Variants in PNPLA1 observed in about 807,000 individuals in gnomAD.
PNPLA1 encodes the protein omega-hydroxyceramide transacylase.
PNPLA1 carries 36 observed loss-of-function variants against 51.7 expected under a neutral mutation model. The observed-to-expected ratio is 0.70, with a 90% CI of 0.53 to 0.92. The LOEUF is 0.92. PNPLA1 is among the 40% of genes least tolerant of loss of function. PNPLA1 has a pLI of 0.00. For synonymous variants in PNPLA1, 293 were observed against 280.1 expected (o/e 1.05, Z -0.46); for missense variants, 658 against 682.5 (o/e 0.96, Z 0.40).
intron 1 of PNPLA1, among the ~76,000 whole-genome samples, chr6:36,247,525 T>C (rs960356025): frequency 2.0e-5 from 3 of 152,252 alleles, no homozygotes; most frequent in African/African-American, 7.2e-5. Flanking sequence ...GAATATCTGG[T>C]ACATAGTAAG....
intron 1 of PNPLA1, among the ~76,000 whole-genome samples, chr6:36,290,962 A>T (rs1162251645): frequency 2.0e-5 from 3 of 152,216 alleles, no homozygotes; most frequent in Non-Finnish European, 2.9e-5. Flanking sequence ...GTGGACTTCC[A>T]GGCAGAGTGA....
Position 36,302,112 on chromosome 6 carries a change from G to A in PNPLA1, c.1027G>A (p.Val343Ile), listed in dbSNP as rs1245094439. Residue 343 changes from valine to isoleucine, a missense_variant, in exon 6 of 9, where the codon GTT (valine) becomes ATT (isoleucine). Coordinates refer to ENST00000636260, the MANE Select transcript of PNPLA1 (RefSeq NM_001374623.1). Reference protein sequence around the residue: ...QTLEFTCESPVSAPVSPLEQP... With the variant: ...QTLEFTCESPISAPVSPLEQP... Reference sequence around the variant, plus strand: ...ACTTGAATTCACATGCGAGTCACCTGTTTCAGCACCAGTCTCTCCACTTGA... The same window carrying A: ...ACTTGAATTCACATGCGAGTCACCTATTTCAGCACCAGTCTCTCCACTTGA... 6.2e-7 allele frequency: 1 copy of A among 1,614,184 alleles called. No individual in the cohort carries two copies. The highest frequency in any genetic ancestry group is 2.2e-5 in the East Asian group (1 of 44,876).
At chr6:36,286,977 C>T (rs1441001990) in intron 1 of PNPLA1, among the ~76,000 whole-genome samples, 1 of 152,108 alleles carries the variant, frequency 6.6e-6, no homozygotes, top group African/African-American at 2.4e-5. Context: ...TGAACCACCA[C>T]ACCCAGCATT....
At chr6:36,287,412 A>T (rs998521752) in intron 1 of PNPLA1, among the ~76,000 whole-genome samples, 5 of 152,208 alleles carry the variant, frequency 3.3e-5, no homozygotes, top group Non-Finnish European at 7.4e-5. Flanking sequence ...GGAGCAGTCA[A>T]CCTTGAGTAC....
intron 1 of PNPLA1, among the ~76,000 whole-genome samples, chr6:36,244,091 A>T (rs1377753820): frequency 6.6e-6 from 1 of 152,140 alleles, no homozygotes; most frequent in Non-Finnish European, 1.5e-5. Flanking sequence ...TCTAGAGCCC[A>T]TGCACAGCGT....
At chr6:36,278,791 G>A (rs981927888) in intron 1 of PNPLA1, among the ~76,000 whole-genome samples, 2 of 152,230 alleles carry the variant, frequency 1.3e-5, no homozygotes, top group African/African-American at 4.8e-5. Flanking sequence ...TGATGAAATA[G>A]AACATTCATT....
rs957581718 is a variant in PNPLA1 at position 36,270,738 on chromosome 6, G to A, written c.205+74G>A. 1.3e-5 allele frequency: 19 copies of A among 1,498,436 alleles called. No individual in the cohort carries two copies. In the East Asian group the frequency reaches 4.7e-4, roughly 37 times the overall value. The allele number at this position is 1,498,436 out of a possible 1,614,324, so 92.8% of individuals were successfully genotyped here. A position where few individuals can be genotyped will look rare whatever the true frequency, so the allele number is the denominator to read the frequency against. On this transcript the variant is annotated intron_variant, in intron 1 of 8. Coordinates refer to ENST00000636260, the MANE Select transcript of PNPLA1 (RefSeq NM_001374623.1). ...CAGAGACAGAAGGAGCGTGAGGGAGGCTGGGGATGCTTTGGGGGACAAAGC... is the reference window on the plus strand; with the variant it reads ...CAGAGACAGAAGGAGCGTGAGGGAGACTGGGGATGCTTTGGGGGACAAAGC...
intron 8 of PNPLA1, among the ~76,000 whole-genome samples, chr6:36,309,133 G>A (rs1165787007): frequency 3.3e-5 from 5 of 152,184 alleles, no homozygotes; most frequent in Admixed American, 2.6e-4. Context: ...GGCGGCCAAA[G>A]GCTCATCTCG....
intron 1 of PNPLA1, among the ~76,000 whole-genome samples, chr6:36,278,099 C>A (rs1770168181): frequency 6.6e-6 from 1 of 152,218 alleles, no homozygotes; most frequent in African/African-American, 2.4e-5. Flanking sequence ...TTACCCCACT[C>A]CATCTCTCTT....
intron 1 of PNPLA1, among the ~76,000 whole-genome samples, chr6:36,289,635 T>A (rs1770615229): frequency 6.6e-6 from 1 of 151,362 alleles, no homozygotes. Context: ...GCTGTCACCA[T>A]GGCAACCCAG....
intron 1 of PNPLA1, among the ~76,000 whole-genome samples, chr6:36,271,642 C>T (rs1414622553): frequency 2.6e-5 from 4 of 152,178 alleles, no homozygotes; most frequent in African/African-American, 7.2e-5. Flanking sequence ...ACATTCAAGC[C>T]TAGAGCTGGG....
Position 36,302,096 on chromosome 6 carries a change from C to T in PNPLA1, c.1011C>T (p.Phe337=). Residue 337 remains phenylalanine (F), a synonymous_variant, in exon 6 of 9, where the codon TTC becomes TTT. Transcript: ENST00000636260. The part of the protein sequence containing the change: ...PVSQPVQTLE[F]TCESPVSAPV... ...CCCAACCTGTGCAGACACTTGAATT[C>T]ACATGCGAGTCACCTGTTTCAGCAC... The T allele has an allele frequency of 6.2e-7, 1 of 1,614,196 alleles. No homozygotes were observed. Among genetic ancestry groups the T allele is most frequent in the African/African-American group, 1.3e-5 (1 of 75,034 alleles).
At chr6:36,274,679 G>A (rs1280879624) in intron 1 of PNPLA1, among the ~76,000 whole-genome samples, 1 of 152,166 alleles carries the variant, frequency 6.6e-6, no homozygotes, top group African/African-American at 2.4e-5. Flanking sequence ...ACAAGCAGCA[G>A]ATATGAGTTC....
Position 36,300,174 on chromosome 6 carries a change from T to TGA in PNPLA1, c.776-1686_776-1685insAG, listed in dbSNP as rs1451824406. On this transcript the variant is annotated intron_variant, in intron 5 of 8. Coordinates refer to ENST00000636260, the MANE Select transcript of PNPLA1 (RefSeq NM_001374623.1). Reference sequence around the variant, plus strand: ...CTTTTCTTATTCTTGTGTGTGTGTGTGTGTGAGAGAGAGAGAGAGAGAGAG... The same window carrying TGA: ...CTTTTCTTATTCTTGTGTGTGTGTGTGAGTGTGAGAGAGAGAGAGAGAGAGAG... Among the ~76,000 whole-genome samples, 653 of 71,450 alleles carry TGA rather than the reference T, an allele frequency of 9.1e-3. 6 individuals carry two copies. The highest frequency in any genetic ancestry group is 0.024 in the African/African-American group (627 of 25,626). The allele number at this position is 71,450 out of a possible 152,430, so 46.9% of individuals were successfully genotyped here.
rs150851718 is a variant in PNPLA1, at chr6:36,313,428, A to G, written c.*1542A>G. ...TCCTGAAATGCAAAACCCAGAATGAATGGGTGGAGGACCATACTAAACTGC... is the reference window on the plus strand; with the variant it reads ...TCCTGAAATGCAAAACCCAGAATGAGTGGGTGGAGGACCATACTAAACTGC... On this transcript the variant is annotated 3_prime_UTR_variant, in exon 9 of 9. Transcript: ENST00000636260. Among the ~76,000 whole-genome samples the G allele has an allele frequency of 5.2e-4, 79 of 152,266 alleles. No individual in the cohort carries two copies. Among genetic ancestry groups the G allele is most frequent in the African/African-American group, 1.9e-3 (79 of 41,540 alleles).
intron 6 of PNPLA1, among the ~76,000 whole-genome samples, chr6:36,303,500 C>T (rs184689929): frequency 1.2e-4 from 18 of 152,306 alleles, no homozygotes; most frequent in African/African-American, 4.3e-4. Context: ...GGAAATCTCC[C>T]TTTCAGCAGA....
chr6:36,282,208 GGAAGGGAA>G (rs1314916130), intron 1 of PNPLA1, among the ~76,000 whole-genome samples: 879 of 59,058 alleles, frequency 0.015, 16 homozygotes, highest in African/African-American at 0.055. Flanking sequence ...AAGGAAGGAA[GGAAGGGAA>G]GGAAGGAAGG....
intron 1 of PNPLA1, among the ~76,000 whole-genome samples, chr6:36,282,302 A>G (rs1183361069): frequency 6.6e-6 from 1 of 152,168 alleles, no homozygotes; most frequent in Non-Finnish European, 1.5e-5. Context: ...ATACAAAAGG[A>G]CTTTTTATAC....
chr6:36,292,396 C>G (rs1440502336), intron 2 of PNPLA1, among the ~76,000 whole-genome samples: 3 of 152,234 alleles, frequency 2.0e-5, no homozygotes, highest in Middle Eastern at 3.4e-3. Flanking sequence ...GTTTTCTCTT[C>G]CCGGCCCTCT....
Sources: allele counts gnomAD v4.1 joint callset (sites outside exome capture counted in the v4.1 genomes callset), GRCh38; gene constraint gnomAD v4.1.1; transcripts MANE v1.5; gene names NCBI Gene and HGNC (gene_info 2026-07-23, HGNC 2026-07-21).